The following KCNAB1 variants were observed in gnomAD, a reference collection of about 807,000 sequenced individuals.
The protein encoded by KCNAB1 is voltage-gated potassium channel subunit beta-1.
KCNAB1 carries 35 observed loss-of-function variants against 64.6 expected under a neutral mutation model. The observed-to-expected ratio is 0.54, with a 90% CI of 0.41 to 0.72. The LOEUF is 0.72. Ranked by LOEUF, KCNAB1 falls within the 30% of genes least tolerant of loss-of-function variation. KCNAB1 has a pLI of 0.00. For synonymous variants in KCNAB1, 177 were observed against 183.8 expected (o/e 0.96, Z 0.30); for missense variants, 401 against 512.9 (o/e 0.78, Z 2.11).
chr3:156,220,108 A>G (rs988429501), intron 1 of KCNAB1, among the ~76,000 whole-genome samples: 1 of 152,050 alleles, frequency 6.6e-6, no homozygotes, highest in African/African-American at 2.4e-5. Context: ...TTCTTTATCC[A>G]GTCTATAATT....
intron 8 of KCNAB1, among the ~76,000 whole-genome samples, chr3:156,491,589 ATAAACT>A (rs1413334593): frequency 1.3e-5 from 2 of 152,174 alleles, no homozygotes; most frequent in African/African-American, 2.4e-5. Context: ...CATTTGTGAG[ATAAACT>A]TAACTTGCTT....
chr3:156,536,854 AACCTCT>A lies in KCNAB1; in HGVS notation c.*109_*114del. 1 of 768,268 alleles carries A rather than the reference AACCTCT, an allele frequency of 1.3e-6. No homozygotes were observed. Among genetic ancestry groups the A allele is most frequent in the Non-Finnish European group, 2.3e-6 (1 of 441,898 alleles). The allele number at this position is 768,268 out of a possible 1,614,324, so 47.6% of individuals were successfully genotyped here. A position where few individuals can be genotyped will look rare whatever the true frequency, so the allele number is the denominator to read the frequency against. ...TGAATCACTTAGCAGCTTGCTGCTC[AACCTCT>A]AGTGTCCCTCCCTGGATTCTTTGAG... On this transcript the variant is annotated 3_prime_UTR_variant, in exon 14 of 14. Coordinates refer to ENST00000490337, the MANE Select transcript of KCNAB1 (RefSeq NM_172160.3).
intron 8 of KCNAB1, among the ~76,000 whole-genome samples, chr3:156,513,386 G>A (rs1717349383): frequency 6.6e-6 from 1 of 152,140 alleles, no homozygotes; most frequent in South Asian, 2.1e-4. Flanking sequence ...TCTACTTTGA[G>A]ACAAGGATTT....
chr3:156,461,023 C>CT (rs998427927), intron 5 of KCNAB1, among the ~76,000 whole-genome samples: 2 of 152,180 alleles, frequency 1.3e-5, no homozygotes, highest in African/African-American at 4.8e-5. Flanking sequence ...TCCCAGGGAA[C>CT]TGTAAGGATG....
At chr3:156,441,637 G>A (rs566271064) in intron 2 of KCNAB1, among the ~76,000 whole-genome samples, 2 of 152,064 alleles carry the variant, frequency 1.3e-5, no homozygotes, top group African/African-American at 4.8e-5. Context: ...CACATGGAAG[G>A]TGTCTAATTT....
chr3:156,188,354 A>G (rs184626559), intron 1 of KCNAB1, among the ~76,000 whole-genome samples: 121 of 152,206 alleles, frequency 7.9e-4, no homozygotes, highest in African/African-American at 2.8e-3. Context: ...TGGTATATTT[A>G]CCATAAATAT....
intron 1 of KCNAB1, chr3:156,142,918 T>G (rs1282577165): frequency 9.6e-7 from 1 of 1,044,338 alleles, no homozygotes; most frequent in African/African-American, 1.7e-5. Context: ...CTCTGAGTAC[T>G]TTAAAGGGAT....
intron 8 of KCNAB1, among the ~76,000 whole-genome samples, chr3:156,493,964 C>T (rs1462268705): frequency 6.6e-6 from 1 of 152,114 alleles, no homozygotes; most frequent in Non-Finnish European, 1.5e-5. Flanking sequence ...ACCTACCAGG[C>T]TTCTCCACTG....
At chr3:156,210,524 T>C (rs1714946568) in intron 1 of KCNAB1, among the ~76,000 whole-genome samples, 1 of 152,136 alleles carries the variant, frequency 6.6e-6, no homozygotes, top group African/African-American at 2.4e-5. Context: ...TACAAAACAC[T>C]CGCATCATCC....
upstream of KCNAB1, among the ~76,000 whole-genome samples, chr3:156,119,705 T>A (rs994784751): frequency 3.3e-5 from 5 of 152,186 alleles, no homozygotes; most frequent in South Asian, 6.2e-4. Flanking sequence ...ACTGACATCA[T>A]TATCTCCTAA....
chr3:156,188,324 C>T lies in KCNAB1; in HGVS notation c.275+67438C>T, dbSNP rs137999941. ...ATTCCCCCAGAAATTAATTTCTCAG[C>T]ATTTTAGTGGACCTCCTTTTGGTAT... On this transcript the variant is annotated intron_variant, in intron 1 of 13. Coordinates refer to ENST00000490337, the MANE Select transcript of KCNAB1 (RefSeq NM_172160.3). 1.3e-3 allele frequency among the ~76,000 whole-genome samples: 198 copies of T among 151,846 alleles called. 1 individual carries two copies. The highest frequency in any genetic ancestry group is 1.4e-3 in the Non-Finnish European group (97 of 67,996).
At chr3:156,198,207 A>T (rs1055623406) in intron 1 of KCNAB1, among the ~76,000 whole-genome samples, 2 of 152,172 alleles carry the variant, frequency 1.3e-5, no homozygotes, top group Admixed American at 1.3e-4. Context: ...TTTACTTCCA[A>T]TTATGTGGTC....
chr3:156,449,580 C>T (rs1711842052), intron 2 of KCNAB1, among the ~76,000 whole-genome samples: 1 of 152,190 alleles, frequency 6.6e-6, no homozygotes, highest in Non-Finnish European at 1.5e-5. Context: ...CATAGCCCAA[C>T]ATAGGTGCTA....
intron 1 of KCNAB1, among the ~76,000 whole-genome samples, chr3:156,411,616 A>C (rs1714671237): frequency 6.6e-6 from 1 of 152,188 alleles, no homozygotes; most frequent in South Asian, 2.1e-4. Context: ...TTGAATAAAC[A>C]ATCCTTTCTC....
chr3:156,173,785 A>G (rs995507744), intron 1 of KCNAB1, among the ~76,000 whole-genome samples: 5 of 152,228 alleles, frequency 3.3e-5, no homozygotes, highest in Admixed American at 1.3e-4. Flanking sequence ...GGTGTTTCCA[A>G]TGAGATCAGC....
chr3:156,245,949 G>C (rs1020250401), intron 1 of KCNAB1, among the ~76,000 whole-genome samples: 3 of 143,726 alleles, frequency 2.1e-5, no homozygotes, highest in Non-Finnish European at 4.5e-5. Flanking sequence ...AATTATAACT[G>C]ATAGGTTATT....
At chr3:156,372,703 C>A (rs528858784) in intron 1 of KCNAB1, among the ~76,000 whole-genome samples, 6 of 152,284 alleles carry the variant, frequency 3.9e-5, no homozygotes, top group African/African-American at 1.4e-4. Flanking sequence ...GATGCTTCAA[C>A]AAGAGGACAC....
intron 1 of KCNAB1, among the ~76,000 whole-genome samples, chr3:156,384,401 T>C (rs1371934014): frequency 6.6e-6 from 1 of 152,226 alleles, no homozygotes; most frequent in East Asian, 1.9e-4. Flanking sequence ...AAAGCCCGAT[T>C]TTCCCTTTCT....
intron 1 of KCNAB1, among the ~76,000 whole-genome samples, chr3:156,210,906 G>A (rs969276145): frequency 5.3e-5 from 8 of 152,314 alleles, no homozygotes; most frequent in African/African-American, 9.6e-5. Flanking sequence ...AAACAAATTC[G>A]TGGGTGGGTG....
Sources: gnomAD v4.1 joint callset for allele counts (sites outside exome capture counted in the v4.1 genomes callset) on GRCh38, gnomAD v4.1.1 for gene constraint, MANE v1.5 for transcripts, NCBI Gene and HGNC (gene_info 2026-07-23, HGNC 2026-07-21) for gene names.